Variants in TUSC3 observed in about 807,000 individuals in gnomAD.
TUSC3 encodes tumor suppressor candidate 3.
Under a neutral mutation model 44.8 loss-of-function variants are expected in TUSC3, and 45 were observed. That is an observed-to-expected ratio of 1.00 (90% CI 0.79 to 1.29). The LOEUF is 1.29. Ranked by LOEUF, TUSC3 falls within the 50% of genes most tolerant of loss-of-function variation. The pLI, the probability that TUSC3 is intolerant of heterozygous loss-of-function variation, is 0.00. For missense variants in TUSC3, 519 were observed against 437.9 expected, an observed-to-expected ratio of 1.19 and a Z score of -1.65; for synonymous variants, 212 against 152.9, an observed-to-expected ratio of 1.39 and a Z score of -2.85.
chr8:15,749,989 T>A (rs2129218768), intron 9 of TUSC3, among the ~76,000 whole-genome samples: 1 of 150,926 alleles, frequency 6.6e-6, no homozygotes, highest in African/African-American at 2.4e-5. Flanking sequence ...TGAGATTTTT[T>A]TTTTTTTTGA....
At chr8:15,590,948 A>G (rs1803809994) in intron 1 of TUSC3, among the ~76,000 whole-genome samples, 1 of 152,170 alleles carries the variant, frequency 6.6e-6, no homozygotes, top group South Asian at 2.1e-4. Flanking sequence ...TGCTTGAATT[A>G]TAGGCTTGAG....
At chr8:15,730,890 A>G (rs915306998) in intron 7 of TUSC3, among the ~76,000 whole-genome samples, 161 bp downstream of exon 7, 1 of 152,084 alleles carries the variant, frequency 6.6e-6, no homozygotes. Context: ...ATTATTTCCT[A>G]TTACGGTATA....
chr8:15,803,506 A>G, the TUSC3 span, among the ~76,000 whole-genome samples: 1 of 152,196 alleles, frequency 6.6e-6, no homozygotes, highest in Non-Finnish European at 1.5e-5. Flanking sequence ...TAAGGTTGAA[A>G]TACAAGCAGA....
At chr8:15,565,421 A>C (rs747870253) in intron 1 of TUSC3, among the ~76,000 whole-genome samples, 11 of 152,070 alleles carry the variant, frequency 7.2e-5, no homozygotes, top group Non-Finnish European at 1.2e-4. Flanking sequence ...TGTTTCTTGG[A>C]ATTAGAACAT....
At chr8:15,549,868 C>T in intron 1 of TUSC3, among the ~76,000 whole-genome samples, 1 of 151,548 alleles carries the variant, frequency 6.6e-6, no homozygotes, top group African/African-American at 2.4e-5. Context: ...GACAAGAACC[C>T]CTCAGACACT....
chr8:15,752,941 CCTTATT>C (rs1037432025), intron 9 of TUSC3, among the ~76,000 whole-genome samples: 17 of 151,910 alleles, frequency 1.1e-4, no homozygotes, highest in African/African-American at 4.1e-4. Flanking sequence ...GGAAAAACTT[CCTTATT>C]CTTGAACTTG....
intron 6 of TUSC3, among the ~76,000 whole-genome samples, chr8:15,723,628 C>T (rs1456018445): frequency 6.6e-6 from 1 of 151,890 alleles, no homozygotes. Context: ...ACTAATGCTG[C>T]CTCAAAGAAG....
chr8:15,621,397 A>G (rs1362646801), intron 1 of TUSC3, among the ~76,000 whole-genome samples: 2 of 150,816 alleles, frequency 1.3e-5, no homozygotes, highest in African/African-American at 2.4e-5. Flanking sequence ...AAGTCCTTCT[A>G]TGTCACTTTC....
the TUSC3 span, among the ~76,000 whole-genome samples, chr8:15,823,442 G>A: frequency 0.015 from 2,254 of 152,148 alleles, 62 homozygotes; most frequent in African/African-American, 0.05. Context: ...TGGTAAAGCC[G>A]TCAAGCAACA....
chr8:15,676,651 C>CA (rs1808202935), intron 6 of TUSC3, among the ~76,000 whole-genome samples: 1 of 152,098 alleles, frequency 6.6e-6, no homozygotes, highest in Non-Finnish European at 1.5e-5. Context: ...ACTTTCAGGG[C>CA]AACTACCGAC....
intron 2 of TUSC3, among the ~76,000 whole-genome samples, chr8:15,525,490 G>T (rs1801361198): frequency 6.6e-6 from 1 of 152,178 alleles, no homozygotes; most frequent in Non-Finnish European, 1.5e-5. Context: ...AATGTTCTCA[G>T]TTTTAATGTA....
At chr8:15,661,027 T>C (rs2129179615) in intron 4 of TUSC3, among the ~76,000 whole-genome samples, 1 of 151,994 alleles carries the variant, frequency 6.6e-6, no homozygotes, top group East Asian at 1.9e-4. Flanking sequence ...ATTGTTAACA[T>C]TTTATTCCAT....
chr8:15,700,520 C>G (rs187435486), intron 6 of TUSC3, among the ~76,000 whole-genome samples: 1 of 152,136 alleles, frequency 6.6e-6, no homozygotes, highest in East Asian at 1.9e-4. Flanking sequence ...AGTTAATGGA[C>G]AAGTGGAAAA....
chr8:15,529,067 A>T (rs1174369003), intron 2 of TUSC3, among the ~76,000 whole-genome samples: 1 of 152,242 alleles, frequency 6.6e-6, no homozygotes, highest in Non-Finnish European at 1.5e-5. Context: ...CTACACAAGT[A>T]AGTGACATAC....
At chr8:15,813,580 G>C in the TUSC3 span, among the ~76,000 whole-genome samples, 3 of 152,130 alleles carry the variant, frequency 2.0e-5, no homozygotes, top group South Asian at 2.1e-4. Context: ...TTTTATTCTA[G>C]AATAAAAATG....
At position 15,418,293 on chromosome 8, in the gene TUSC3, T is replaced by C. The variant is rs557463973; in HGVS notation, n.91+988T>C. ...AGGTGGTATTCGTAACTGCACACAA[T>C]GAGTAACGTAAACAAAAGGTCCTTT... On this transcript the variant is annotated intron_variant and non_coding_transcript_variant, in intron 1 of 5. Transcript: ENST00000503191. Among the ~76,000 whole-genome samples the C allele has an allele frequency of 4.6e-5, 7 of 152,294 alleles. No individual in the cohort carries two copies. The South Asian group carries it at 1.2e-3, about 27-fold the overall frequency.
chr8:15,647,470 T>C (rs1192345860), intron 2 of TUSC3, among the ~76,000 whole-genome samples: 1 of 152,176 alleles, frequency 6.6e-6, no homozygotes, highest in Non-Finnish European at 1.5e-5. Context: ...TGTTTCTGAT[T>C]TTAATGATTA....
At chr8:15,787,809 C>G in the TUSC3 span, among the ~76,000 whole-genome samples, 1 of 152,202 alleles carries the variant, frequency 6.6e-6, no homozygotes, top group Non-Finnish European at 1.5e-5. Flanking sequence ...AGACCGTTCA[C>G]GTAATTTCTT....
At chr8:15,582,031 G>A (rs946411227) in intron 1 of TUSC3, among the ~76,000 whole-genome samples, 1 of 152,056 alleles carries the variant, frequency 6.6e-6, no homozygotes, top group African/African-American at 2.4e-5. Flanking sequence ...TTTTAAGCCG[G>A]TCTGAAAAGC....
Sources: allele counts gnomAD v4.1 joint callset (sites outside exome capture counted in the v4.1 genomes callset), GRCh38; gene constraint gnomAD v4.1.1; transcripts MANE v1.5; gene names NCBI Gene and HGNC (gene_info 2026-07-23, HGNC 2026-07-21).